The following DLGAP1 variants were observed in gnomAD, a reference collection of about 807,000 sequenced individuals.
DLGAP1 encodes disks large-associated protein 1.
Under a neutral mutation model 90.8 loss-of-function variants are expected in DLGAP1, and 11 were observed. The ratio of observed to expected loss-of-function variants is 0.12; its 90% CI spans 0.08 to 0.20. The LOEUF is 0.20. Among genes scored for constraint, DLGAP1 ranks in the 10% least tolerant of loss-of-function variants. The probability of loss-of-function intolerance (pLI) is 1.00; values close to 1 mark genes in which losing one functional copy is unlikely to be tolerated. For synonymous variants in DLGAP1, 558 were observed against 540.7 expected (o/e 1.03, Z -0.44); for missense variants, 1,050 against 1,333.8 (o/e 0.79, Z 3.31).
chr18:4,232,658 T>A (rs954814997), intron 1 of DLGAP1, among the ~76,000 whole-genome samples: 1 of 152,194 alleles, frequency 6.6e-6, no homozygotes, highest in Admixed American at 6.6e-5. Context: ...AGCTCCAGCA[T>A]AACAAATGTA....
At chr18:3,913,775 A>C (rs1254699228) in intron 3 of DLGAP1, among the ~76,000 whole-genome samples, 1 of 152,190 alleles carries the variant, frequency 6.6e-6, no homozygotes, top group African/African-American at 2.4e-5. Context: ...TCTTCTCCCT[A>C]ATCTACTACG....
chr18:3,694,320 C>T (rs1391459789), intron 7 of DLGAP1, among the ~76,000 whole-genome samples: 1 of 152,114 alleles, frequency 6.6e-6, no homozygotes, highest in Non-Finnish European at 1.5e-5. Context: ...CCATTCTTTG[C>T]TATTGTGAAT....
intron 11 of DLGAP1, among the ~76,000 whole-genome samples, chr18:3,507,148 A>C (rs1302858099): frequency 2.0e-5 from 3 of 152,042 alleles, no homozygotes; most frequent in Non-Finnish European, 4.4e-5. Context: ...TGTCTACATA[A>C]ATTTCTTTCA....
chr18:3,886,597 C>A (rs2071321690), intron 3 of DLGAP1, among the ~76,000 whole-genome samples: 1 of 152,048 alleles, frequency 6.6e-6, no homozygotes, highest in African/African-American at 2.4e-5. Context: ...TCTCAACTAC[C>A]CTTCCCAGCC....
intron 1 of DLGAP1, among the ~76,000 whole-genome samples, chr18:4,292,026 G>A: frequency 6.6e-6 from 1 of 152,082 alleles, no homozygotes; most frequent in East Asian, 1.9e-4. Context: ...ATCAGTAGAT[G>A]CCCAATAACT....
At chr18:3,897,808 G>T (rs58617079) in intron 3 of DLGAP1, among the ~76,000 whole-genome samples, 16 of 101,990 alleles carry the variant, frequency 1.6e-4, no homozygotes, top group South Asian at 3.5e-4. Flanking sequence ...TTTTTTTTGA[G>T]ACGGAGTCTC....
intron 1 of DLGAP1, among the ~76,000 whole-genome samples, chr18:4,295,798 A>T (rs909554357): frequency 2.6e-5 from 4 of 152,222 alleles, no homozygotes; most frequent in African/African-American, 7.2e-5. Flanking sequence ...AGTGTGTAAA[A>T]CACAAATTTG....
At chr18:4,067,210 A>G (rs2075382856) in intron 2 of DLGAP1, among the ~76,000 whole-genome samples, 1 of 152,124 alleles carries the variant, frequency 6.6e-6, no homozygotes, top group Non-Finnish European at 1.5e-5. Context: ...AGGATCAAGA[A>G]AAACAACTAA....
At chr18:4,071,625 A>T (rs2075448650) in intron 2 of DLGAP1, among the ~76,000 whole-genome samples, 1 of 152,190 alleles carries the variant, frequency 6.6e-6, no homozygotes, top group Non-Finnish European at 1.5e-5. Flanking sequence ...CCATTATATT[A>T]GTGCTTACTC....
chr18:3,936,064 T>C (rs544342058), intron 3 of DLGAP1, among the ~76,000 whole-genome samples: 1 of 152,328 alleles, frequency 6.6e-6, no homozygotes, highest in East Asian at 1.9e-4. Flanking sequence ...TGGGGTCACA[T>C]TGCCATCTTA....
intron 1 of DLGAP1, among the ~76,000 whole-genome samples, chr18:4,413,944 A>T (rs1332819386): frequency 3.3e-5 from 5 of 152,294 alleles, no homozygotes; most frequent in Admixed American, 6.5e-5. Context: ...TTCAGAAATA[A>T]TTTCACTTTG....
At chr18:3,691,435 A>AG (rs1442417701) in intron 7 of DLGAP1, among the ~76,000 whole-genome samples, 1 of 152,086 alleles carries the variant, frequency 6.6e-6, no homozygotes, top group African/African-American at 2.4e-5. Flanking sequence ...TCAAAAAAAA[A>AG]AAAAAAATTA....
chr18:3,786,029 C>A (rs1465510531), intron 5 of DLGAP1, among the ~76,000 whole-genome samples: 1 of 152,192 alleles, frequency 6.6e-6, no homozygotes, highest in Non-Finnish European at 1.5e-5. Context: ...TCCAATGCTT[C>A]CTTCTCTCTC....
chr18:3,594,827 G>T lies in DLGAP1; in HGVS notation c.1592-12579C>A, dbSNP rs547931911. On this transcript the variant is annotated intron_variant, in intron 7 of 12. Transcript: ENST00000315677. ...CAGCCCAGAAACAGGATTCCTGCAGGGTGGGACTGGCATTTTCCATTTTTA... is the reference window on the plus strand; with the variant it reads ...CAGCCCAGAAACAGGATTCCTGCAGTGTGGGACTGGCATTTTCCATTTTTA... Among the ~76,000 whole-genome samples the T allele has an allele frequency of 2.5e-4, 38 of 152,260 alleles. 1 individual carries two copies. The Middle Eastern group carries it at 0.01, about 41-fold the overall frequency.
chr18:4,269,348 A>G (rs1223834354), intron 1 of DLGAP1, among the ~76,000 whole-genome samples: 1 of 133,478 alleles, frequency 7.5e-6, no homozygotes, highest in African/African-American at 3.1e-5. Context: ...ATATATATAT[A>G]TATATATTTT....
At chr18:3,556,139 T>C (rs1235727820) in intron 9 of DLGAP1, among the ~76,000 whole-genome samples, 2 of 152,168 alleles carry the variant, frequency 1.3e-5, no homozygotes, top group Non-Finnish European at 1.5e-5. Flanking sequence ...TTAATAAACT[T>C]TGTTTTTTTA....
intron 2 of DLGAP1, among the ~76,000 whole-genome samples, chr18:4,042,835 G>A (rs543241285): frequency 1.1e-4 from 16 of 152,126 alleles, no homozygotes; most frequent in African/African-American, 1.4e-4. Context: ...AATAGTTTCC[G>A]TATTAAAACA....
At chr18:3,617,349 G>A (rs1337311467) in intron 7 of DLGAP1, among the ~76,000 whole-genome samples, 3 of 152,036 alleles carry the variant, frequency 2.0e-5, no homozygotes, top group Non-Finnish European at 2.9e-5. Context: ...CTGTAATCCC[G>A]GCACTCTGGG....
At chr18:4,008,967 G>A (rs543921401) in intron 2 of DLGAP1, among the ~76,000 whole-genome samples, 1 of 152,000 alleles carries the variant, frequency 6.6e-6, no homozygotes, top group Non-Finnish European at 1.5e-5. Context: ...GCGGTGGCGC[G>A]ATCTCGGCTC....
Sources: gnomAD v4.1 joint callset for allele counts (sites outside exome capture counted in the v4.1 genomes callset) on GRCh38, gnomAD v4.1.1 for gene constraint, MANE v1.5 for transcripts, NCBI Gene and HGNC (gene_info 2026-07-23, HGNC 2026-07-21) for gene names.